Variants in SNTG1 observed in about 807,000 individuals in gnomAD.
The protein encoded by SNTG1 is gamma-1-syntrophin.
Under a neutral mutation model 74.7 loss-of-function variants are expected in SNTG1, and 39 were observed. That is an observed-to-expected ratio of 0.52 (90% CI 0.40 to 0.68). The LOEUF (loss-of-function observed/expected upper bound fraction) is 0.68. Ranked by LOEUF, SNTG1 falls within the 30% of genes least tolerant of loss-of-function variation. The pLI, the probability that SNTG1 is intolerant of heterozygous loss-of-function variation, is 0.00. For synonymous variants in SNTG1, 254 were observed against 217.1 expected, an observed-to-expected ratio of 1.17 and a Z score of -1.49; for missense variants, 685 against 609.5, an observed-to-expected ratio of 1.12 and a Z score of -1.30.
At chr8:50,168,613 AG>A (rs2082704442) in intron 1 of SNTG1, among the ~76,000 whole-genome samples, 1 of 152,204 alleles carries the variant, frequency 6.6e-6, no homozygotes, top group African/African-American at 2.4e-5. Flanking sequence ...TAATACCAAA[AG>A]AATCTGTGAA....
At chr8:50,776,823 C>T (rs77418524) in intron 18 of SNTG1, among the ~76,000 whole-genome samples, 1 of 151,702 alleles carries the variant, frequency 6.6e-6, no homozygotes, top group African/African-American at 2.4e-5. Flanking sequence ...TCTTGATTTT[C>T]CCTTAATTTC....
intron 9 of SNTG1, among the ~76,000 whole-genome samples, chr8:50,521,942 T>C (rs1259968066): frequency 6.6e-6 from 1 of 152,106 alleles, no homozygotes; most frequent in African/African-American, 2.4e-5. Context: ...TGAGTTGGCA[T>C]CAACTTCTTC....
intron 2 of SNTG1, among the ~76,000 whole-genome samples, chr8:50,277,849 T>A (rs898398797): frequency 6.6e-6 from 1 of 152,184 alleles, no homozygotes; most frequent in Non-Finnish European, 1.5e-5. Context: ...ATTAATTTTA[T>A]CGATGGTTAT....
At chr8:50,517,731 G>A (rs1019543553) in intron 9 of SNTG1, among the ~76,000 whole-genome samples, 2 of 151,518 alleles carry the variant, frequency 1.3e-5, no homozygotes, top group African/African-American at 4.9e-5. Context: ...AATGATAAAA[G>A]GATCAATGCA....
intron 12 of SNTG1, among the ~76,000 whole-genome samples, chr8:50,559,553 A>G (rs1017593587): frequency 2.0e-5 from 3 of 152,182 alleles, no homozygotes; most frequent in African/African-American, 7.2e-5. Context: ...TACAAGAGGA[A>G]TTCTAAAGAT....
intron 4 of SNTG1, among the ~76,000 whole-genome samples, chr8:50,435,483 A>G (rs953625912): frequency 2.6e-5 from 4 of 152,028 alleles, no homozygotes; most frequent in Non-Finnish European, 5.9e-5. Context: ...TATTACGTCT[A>G]TTTTGGGAGG....
chr8:50,651,154 T>A (rs778894738), intron 13 of SNTG1, among the ~76,000 whole-genome samples: 25 of 152,198 alleles, frequency 1.6e-4, no homozygotes, highest in Non-Finnish European at 2.9e-4. Context: ...TTAACAATTA[T>A]TTTTTGTTTT....
At chr8:50,772,295 A>C (rs2095629169) in intron 18 of SNTG1, among the ~76,000 whole-genome samples, 1 of 152,112 alleles carries the variant, frequency 6.6e-6, no homozygotes, top group African/African-American at 2.4e-5. Context: ...AACAATGTAC[A>C]CAGGGTGTGA....
chr8:50,614,937 GT>G (rs2094875904), intron 13 of SNTG1, among the ~76,000 whole-genome samples: 3 of 148,274 alleles, frequency 2.0e-5, no homozygotes, highest in South Asian at 2.1e-4. Flanking sequence ...TCAAGAAGTA[GT>G]TTTTTCTTTT....
chr8:50,161,120 A>C (rs1170660423), intron 1 of SNTG1, among the ~76,000 whole-genome samples: 4 of 152,228 alleles, frequency 2.6e-5, no homozygotes, highest in Non-Finnish European at 5.9e-5. Flanking sequence ...TGTGTCCTGA[A>C]GATGATGATG....
intron 11 of SNTG1, among the ~76,000 whole-genome samples, chr8:50,549,502 A>G (rs887495493): frequency 2.6e-5 from 4 of 151,978 alleles, no homozygotes; most frequent in African/African-American, 4.8e-5. Flanking sequence ...TCTTTTTTCC[A>G]TATCCTTCAC....
chr8:50,598,022 T>C (rs1323504380), intron 13 of SNTG1, among the ~76,000 whole-genome samples: 1 of 151,822 alleles, frequency 6.6e-6, no homozygotes, highest in Non-Finnish European at 1.5e-5. Context: ...GAGCAGAAGT[T>C]TTTTGTTTGT....
At chr8:50,528,645 T>C (rs1049764585) in intron 9 of SNTG1, among the ~76,000 whole-genome samples, 2 of 151,826 alleles carry the variant, frequency 1.3e-5, no homozygotes, top group Non-Finnish European at 1.5e-5. Flanking sequence ...GTTAGATTTT[T>C]TTTAATGTAT....
At chr8:50,153,157 A>C (rs1280384259) in intron 1 of SNTG1, among the ~76,000 whole-genome samples, 1 of 151,952 alleles carries the variant, frequency 6.6e-6, no homozygotes, top group Admixed American at 6.5e-5. Context: ...TATTCATTCG[A>C]TCTTCAATCA....
At chr8:50,071,944 C>A (rs1175611100) in intron 1 of SNTG1, among the ~76,000 whole-genome samples, 3 of 151,720 alleles carry the variant, frequency 2.0e-5, no homozygotes, top group African/African-American at 4.8e-5. Context: ...ATATTTTGTT[C>A]TTTTCCATTA....
chr8:50,020,217 T>C (rs1816697155), intron 1 of SNTG1, among the ~76,000 whole-genome samples: 1 of 152,170 alleles, frequency 6.6e-6, no homozygotes, highest in Non-Finnish European at 1.5e-5. Context: ...CCTCCTCTTT[T>C]ATCTTGTATT....
chr8:50,479,650 A>G (rs2093724190), intron 8 of SNTG1, among the ~76,000 whole-genome samples: 1 of 151,736 alleles, frequency 6.6e-6, no homozygotes, highest in African/African-American at 2.4e-5. Context: ...CTTCCTCTGC[A>G]CTCACTGTGG....
intron 2 of SNTG1, among the ~76,000 whole-genome samples, chr8:50,208,904 G>A (rs986287944): frequency 6.6e-6 from 1 of 152,206 alleles, no homozygotes; most frequent in Non-Finnish European, 1.5e-5. Flanking sequence ...TTGTCGGACA[G>A]TGGGTTCAGC....
intron 1 of SNTG1, among the ~76,000 whole-genome samples, chr8:49,976,975 A>C (rs1812251259): frequency 6.6e-6 from 1 of 152,138 alleles, no homozygotes; most frequent in Non-Finnish European, 1.5e-5. Flanking sequence ...GAGGCTGACA[A>C]TTTGCAGCAG....
Sources: gnomAD v4.1 joint callset for allele counts (sites outside exome capture counted in the v4.1 genomes callset) on GRCh38, gnomAD v4.1.1 for gene constraint, MANE v1.5 for transcripts, NCBI Gene and HGNC (gene_info 2026-07-23, HGNC 2026-07-21) for gene names.